TMEM132D: variants seen among roughly 807,000 people sequenced by gnomAD.
TMEM132D encodes the protein mature OL transmembrane protein.
In TMEM132D, 21 loss-of-function variants were observed where a neutral mutation model predicts 62.3. The ratio of observed to expected loss-of-function variants is 0.34; its 90% CI spans 0.24 to 0.49. The LOEUF is 0.49. Ranked by LOEUF, TMEM132D falls within the 20% of genes least tolerant of loss-of-function variation. The pLI is 0.99. For missense variants in TMEM132D, 1,346 were observed against 1,402.8 expected (o/e 0.96, Z 0.65); for synonymous variants, 621 against 575.6 (o/e 1.08, Z -1.13).
At chr12:129,628,288 G>C (rs1232746765) in intron 2 of TMEM132D, among the ~76,000 whole-genome samples, 3 of 152,174 alleles carry the variant, frequency 2.0e-5, no homozygotes, top group Admixed American at 2.0e-4. Flanking sequence ...ATTGGTGGTT[G>C]CTACTTCTAT....
chr12:129,745,921 C>T (rs1330767239), intron 1 of TMEM132D, among the ~76,000 whole-genome samples: 1 of 152,190 alleles, frequency 6.6e-6, no homozygotes, highest in Admixed American at 6.5e-5. Context: ...CAGAGCCACC[C>T]CAGCCCTTCG....
At chr12:129,396,652 T>A (rs1871442085) in intron 3 of TMEM132D, among the ~76,000 whole-genome samples, 1 of 152,112 alleles carries the variant, frequency 6.6e-6, no homozygotes, top group Non-Finnish European at 1.5e-5. Flanking sequence ...GGTGGGGGCT[T>A]AGCAGCCTGG....
intron 2 of TMEM132D, among the ~76,000 whole-genome samples, chr12:129,660,239 A>T (rs750627713): frequency 2.6e-5 from 4 of 152,180 alleles, no homozygotes; most frequent in Non-Finnish European, 5.9e-5. Context: ...CAAATGGGGA[A>T]GGCAATTCAT....
At chr12:129,876,272 T>A (rs763350684) in intron 1 of TMEM132D, among the ~76,000 whole-genome samples, 3 of 152,236 alleles carry the variant, frequency 2.0e-5, no homozygotes, top group Non-Finnish European at 2.9e-5. Context: ...AGCATCCTCA[T>A]CACCAAATCC....
intron 3 of TMEM132D, among the ~76,000 whole-genome samples, chr12:129,437,058 T>A (rs768840516): frequency 1.8e-4 from 28 of 152,310 alleles, no homozygotes; most frequent in Non-Finnish European, 2.9e-4. Context: ...TGGATTTAAG[T>A]TGGGGACATG....
intron 1 of TMEM132D, among the ~76,000 whole-genome samples, chr12:129,810,028 G>A (rs1398712930): frequency 6.6e-6 from 1 of 152,172 alleles, no homozygotes; most frequent in African/African-American, 2.4e-5. Flanking sequence ...TTAGGAGGAG[G>A]AGGAGAAAGG....
At chr12:129,748,221 T>G (rs770468211) in intron 1 of TMEM132D, among the ~76,000 whole-genome samples, 17 of 152,216 alleles carry the variant, frequency 1.1e-4, no homozygotes, top group East Asian at 5.8e-4. Context: ...AAAAGGCATT[T>G]GAGTCTGAAG....
chr12:129,556,446 C>G (rs917587308), intron 2 of TMEM132D, among the ~76,000 whole-genome samples: 1 of 151,688 alleles, frequency 6.6e-6, no homozygotes, highest in Non-Finnish European at 1.5e-5. Flanking sequence ...ATCATGTCTT[C>G]CCCTGGCAAT....
At chr12:129,177,619 A>C (rs1392236115) in intron 5 of TMEM132D, among the ~76,000 whole-genome samples, 1 of 152,142 alleles carries the variant, frequency 6.6e-6, no homozygotes, top group Non-Finnish European at 1.5e-5. Context: ...TTAGCCAGGC[A>C]TGGTGGTGTG....
intron 3 of TMEM132D, among the ~76,000 whole-genome samples, chr12:129,427,488 T>A (rs7294415): frequency 0.53 from 80,171 of 150,708 alleles, 21,609 homozygotes; most frequent in East Asian, 0.75. Context: ...GCACACCAAC[T>A]TGGCACATGT....
At chr12:129,633,064 AT>A (rs1038892019) in intron 2 of TMEM132D, among the ~76,000 whole-genome samples, 4 of 152,142 alleles carry the variant, frequency 2.6e-5, no homozygotes, top group African/African-American at 9.7e-5. Flanking sequence ...AATACAACTA[AT>A]TTTTTTATCT....
At chr12:129,408,699 C>T (rs1176096878) in intron 3 of TMEM132D, among the ~76,000 whole-genome samples, 3 of 151,536 alleles carry the variant, frequency 2.0e-5, no homozygotes, top group African/African-American at 4.8e-5. Flanking sequence ...AGAGGGTTTA[C>T]GATATTTATG....
At chr12:129,075,289 C>T (rs1303329276) in intron 8 of TMEM132D, among the ~76,000 whole-genome samples, 1 of 149,298 alleles carries the variant, frequency 6.7e-6, no homozygotes. Flanking sequence ...AAAACAGGGC[C>T]AGTATTAAAC....
chr12:129,884,805 T>C (rs935288321), intron 1 of TMEM132D, among the ~76,000 whole-genome samples: 1 of 152,208 alleles, frequency 6.6e-6, no homozygotes, highest in African/African-American at 2.4e-5. Context: ...AAAGCATGTG[T>C]TTACACCAAA....
Position 129,760,323 on chromosome 12 carries a change from C to CTTTT in TMEM132D, c.80-59629_80-59626dup, listed in dbSNP as rs71082753. 2.1e-4 allele frequency among the ~76,000 whole-genome samples: 24 copies of CTTTT among 115,490 alleles called. 3 individuals carry two copies. The highest frequency in any genetic ancestry group is 4.0e-4 in the African/African-American group (11 of 27,628). The allele number at this position is 115,490 out of a possible 152,430, so 75.8% of individuals were successfully genotyped here. The stretch of plus-strand genomic sequence containing the variant: ...AGACAGAAATGATGTAAGCCACTTT[C>CTTTT]TTTTTTTTTTTTTTTTTTTTTTTTT... On this transcript the variant is annotated intron_variant, in intron 1 of 8. Transcript: ENST00000422113.
chr12:129,613,621 G>A (rs1432035125), intron 2 of TMEM132D, among the ~76,000 whole-genome samples: 2 of 152,248 alleles, frequency 1.3e-5, no homozygotes, highest in East Asian at 3.8e-4. Flanking sequence ...GCTAGTGGGT[G>A]TGCCATCGCA....
intron 1 of TMEM132D, among the ~76,000 whole-genome samples, chr12:129,729,013 A>G (rs941171630): frequency 1.3e-5 from 2 of 152,238 alleles, no homozygotes; most frequent in African/African-American, 2.4e-5. Context: ...TTTATAAAAC[A>G]AAAGATTTTA....
chr12:129,701,412 G>A (rs955890701), intron 1 of TMEM132D, among the ~76,000 whole-genome samples: 1 of 152,076 alleles, frequency 6.6e-6, no homozygotes, highest in African/African-American at 2.4e-5. Context: ...AGGTGACCAC[G>A]ACACCAATGT....
At chr12:129,129,750 G>A (rs1876317172) in intron 5 of TMEM132D, among the ~76,000 whole-genome samples, 1 of 152,002 alleles carries the variant, frequency 6.6e-6, no homozygotes, top group East Asian at 1.9e-4. Context: ...AGCTATGTGG[G>A]GCATCTTTTC....
Sources: allele counts gnomAD v4.1 joint callset (sites outside exome capture counted in the v4.1 genomes callset), GRCh38; gene constraint gnomAD v4.1.1; transcripts MANE v1.5; gene names NCBI Gene and HGNC (gene_info 2026-07-23, HGNC 2026-07-21).